The following PACRG variants were observed in gnomAD, a reference collection of about 807,000 sequenced individuals.
PACRG encodes the protein parkin coregulated, also known as parkin coregulated gene protein.
A neutral mutation model predicts 29.7 loss-of-function variants in PACRG; 29 were observed. The observed-to-expected ratio is 0.98, with a 90% confidence interval of 0.73 to 1.33. The LOEUF (loss-of-function observed/expected upper bound fraction) is 1.33, where lower values mean the gene tolerates loss of function less well. Among genes scored for constraint, PACRG ranks in the 40% most tolerant of loss-of-function variants. The pLI, the probability that PACRG is intolerant of heterozygous loss-of-function variation, is 0.00. For missense variants in PACRG, 279 were observed against 316.2 expected (o/e 0.88, Z 0.89); for synonymous variants, 116 against 118.7 (o/e 0.98, Z 0.15).
At chr6:162,882,526 C>A (rs1288106210) in intron 2 of PACRG, among the ~76,000 whole-genome samples, 1 of 152,164 alleles carries the variant, frequency 6.6e-6, no homozygotes, top group Non-Finnish European at 1.5e-5. Flanking sequence ...ATGCCTTGGA[C>A]ATGTGGGAAA....
chr6:163,268,325 C>T (rs947526337), intron 4 of PACRG, among the ~76,000 whole-genome samples: 2 of 151,098 alleles, frequency 1.3e-5, no homozygotes, highest in Non-Finnish European at 2.9e-5. Flanking sequence ...TGGCGTGAAC[C>T]TGGGAGGCAG....
intron 3 of PACRG, among the ~76,000 whole-genome samples, chr6:163,076,327 A>G (rs958046266): frequency 1.3e-5 from 2 of 152,172 alleles, no homozygotes; most frequent in East Asian, 3.9e-4. Flanking sequence ...CAGAGCTTAC[A>G]TGCAAATTTC....
intron 2 of PACRG, among the ~76,000 whole-genome samples, chr6:163,037,009 G>A (rs941140819): frequency 1.3e-5 from 2 of 152,102 alleles, no homozygotes; most frequent in African/African-American, 2.4e-5. Context: ...CGAGAGAGGC[G>A]AATTGTAAAC....
At chr6:162,967,404 G>C (rs1390372158) in intron 2 of PACRG, among the ~76,000 whole-genome samples, 1 of 152,076 alleles carries the variant, frequency 6.6e-6, no homozygotes, top group Non-Finnish European at 1.5e-5. Context: ...AAGGTTTAGT[G>C]TAATAGATAT....
chr6:162,778,705 C>G (rs1045053380), intron 1 of PACRG, among the ~76,000 whole-genome samples: 2 of 152,200 alleles, frequency 1.3e-5, no homozygotes, highest in African/African-American at 4.8e-5. Flanking sequence ...GCCTCAGTCT[C>G]TGAACCAAGA....
At chr6:163,210,833 G>A (rs1192635860) in intron 4 of PACRG, among the ~76,000 whole-genome samples, 1 of 152,198 alleles carries the variant, frequency 6.6e-6, no homozygotes, top group East Asian at 1.9e-4. Context: ...CTTTAAATCA[G>A]TGAATAGCTG....
intron 2 of PACRG, chr6:162,891,878 T>C (rs986939914): frequency 1.3e-5 from 2 of 152,338 alleles, no homozygotes; most frequent in African/African-American, 2.4e-5. Context: ...TTTACCTTCA[T>C]ACTGGGCATT....
At chr6:163,304,620 T>C (rs1232944005) in intron 4 of PACRG, among the ~76,000 whole-genome samples, 1 of 152,152 alleles carries the variant, frequency 6.6e-6, no homozygotes, top group Non-Finnish European at 1.5e-5. Flanking sequence ...ATGATGTGGA[T>C]GCAAAATCAA....
chr6:162,927,658 A>C (rs1258541656), intron 2 of PACRG, among the ~76,000 whole-genome samples: 1 of 151,924 alleles, frequency 6.6e-6, no homozygotes, highest in African/African-American at 2.4e-5. Context: ...GAGGAGGGAG[A>C]GCATCAGGGT....
chr6:163,018,732 A>G (rs1806330594), intron 2 of PACRG, among the ~76,000 whole-genome samples: 1 of 152,116 alleles, frequency 6.6e-6, no homozygotes, highest in African/African-American at 2.4e-5. Flanking sequence ...CTATCCTTTT[A>G]GTAGGTAGTG....
intron 4 of PACRG, among the ~76,000 whole-genome samples, chr6:163,240,047 G>A (rs534156590): frequency 2.6e-5 from 3 of 115,054 alleles, no homozygotes; most frequent in Non-Finnish European, 5.5e-5. Flanking sequence ...TACTTCTACA[G>A]ACACATACAC....
chr6:163,089,109 G>A, intron 3 of PACRG, 150 bp from the exon 4 acceptor site: 1 of 707,160 alleles, frequency 1.4e-6, no homozygotes, highest in Non-Finnish European at 2.3e-6. Context: ...GTTGCAATGT[G>A]TCATCCAAAG....
intron 2 of PACRG, among the ~76,000 whole-genome samples, chr6:162,944,211 A>G (rs1177956686): frequency 1.3e-5 from 2 of 152,236 alleles, no homozygotes; most frequent in Non-Finnish European, 2.9e-5. Flanking sequence ...GATACCACTG[A>G]TGCTGTTTAC....
intron 4 of PACRG, among the ~76,000 whole-genome samples, chr6:163,267,563 T>G (rs755677448): frequency 2.0e-5 from 3 of 152,262 alleles, no homozygotes; most frequent in Non-Finnish European, 4.4e-5. Context: ...TTCTTTGAAG[T>G]ATCTACTATA....
At chr6:162,930,753 A>T (rs1191324236) in intron 2 of PACRG, among the ~76,000 whole-genome samples, 2 of 151,740 alleles carry the variant, frequency 1.3e-5, no homozygotes, top group Non-Finnish European at 3.0e-5. Flanking sequence ...TGTTATTTTT[A>T]AGTTTATTTT....
chr6:162,748,106 A>G (rs934361495), intron 1 of PACRG, among the ~76,000 whole-genome samples: 1 of 152,148 alleles, frequency 6.6e-6, no homozygotes, highest in Non-Finnish European at 1.5e-5. Context: ...ACTCTAGTCA[A>G]TCACTCAGTG....
At chr6:163,124,934 T>A (rs2128326687) in intron 4 of PACRG, among the ~76,000 whole-genome samples, 1 of 152,318 alleles carries the variant, frequency 6.6e-6, no homozygotes, top group Non-Finnish European at 1.5e-5. Flanking sequence ...ATCTCATGAA[T>A]TACAGTCTCA....
At chr6:162,895,308 T>G (rs185586906) in intron 2 of PACRG, among the ~76,000 whole-genome samples, 1 of 149,812 alleles carries the variant, frequency 6.7e-6, no homozygotes, top group East Asian at 2.0e-4. Flanking sequence ...TTCAAATGAA[T>G]GAATACTATA....
At chr6:162,936,482 AT>A (rs1554309323) in intron 2 of PACRG, among the ~76,000 whole-genome samples, 7 of 152,200 alleles carry the variant, frequency 4.6e-5, no homozygotes, top group Non-Finnish European at 1.0e-4. Flanking sequence ...AGCCAATTCC[AT>A]TGAGCAAGCA....
Sources: gnomAD v4.1 joint callset for allele counts (sites outside exome capture counted in the v4.1 genomes callset) on GRCh38, gnomAD v4.1.1 for gene constraint, MANE v1.5 for transcripts, NCBI Gene and HGNC (gene_info 2026-07-23, HGNC 2026-07-21) for gene names.